The following CNTNAP2 variants were observed in gnomAD, a reference collection of about 807,000 sequenced individuals.
CNTNAP2 encodes contactin associated protein 2.
A neutral mutation model predicts 155.2 loss-of-function variants in CNTNAP2; 98 were observed. That is an observed-to-expected ratio of 0.63 (90% CI 0.54 to 0.75). The LOEUF (loss-of-function observed/expected upper bound fraction) is 0.75. Ranked by LOEUF, CNTNAP2 falls within the 30% of genes least tolerant of loss-of-function variation. The pLI, the probability that CNTNAP2 is intolerant of heterozygous loss-of-function variation, is 0.00. For synonymous variants in CNTNAP2, 651 were observed against 631.2 expected (o/e 1.03, Z -0.47); for missense variants, 1,727 against 1,688.1 (o/e 1.02, Z -0.40).
intron 8 of CNTNAP2, among the ~76,000 whole-genome samples, chr7:147,267,089 C>G (rs963918548): frequency 3.3e-5 from 5 of 151,986 alleles, no homozygotes; most frequent in African/African-American, 1.2e-4. Flanking sequence ...TAGCTTAATC[C>G]AAGATTTCTG....
chr7:148,371,501 T>C (rs1007219277), intron 21 of CNTNAP2, among the ~76,000 whole-genome samples: 2 of 152,194 alleles, frequency 1.3e-5, no homozygotes, highest in African/African-American at 4.8e-5. Context: ...CATTCATCAA[T>C]GTGCCATTGA....
chr7:147,881,371 T>A (rs1799517961), intron 13 of CNTNAP2, among the ~76,000 whole-genome samples: 1 of 152,144 alleles, frequency 6.6e-6, no homozygotes, highest in African/African-American at 2.4e-5. Context: ...TGTATTGTAG[T>A]CATGGGACTG....
chr7:146,192,814 A>G (rs1365761118), intron 1 of CNTNAP2, among the ~76,000 whole-genome samples: 2 of 152,184 alleles, frequency 1.3e-5, no homozygotes, highest in Admixed American at 6.5e-5. Context: ...TCCATAGTCC[A>G]AAGTCTCAAC....
rs115645018 is a variant in CNTNAP2, at chr7:146,452,377, T to C, written c.98-321894T>C. On this transcript the variant is annotated intron_variant, in intron 1 of 23. Coordinates refer to ENST00000361727, the MANE Select transcript of CNTNAP2 (RefSeq NM_014141.6). ...AGTACATAATCTATGACATGTATAG[T>C]AAATATTCAATAAATATTTGATTGA... is the stretch of plus-strand genomic sequence containing the variant. Among the ~76,000 whole-genome samples, 192 of 152,324 alleles carry C rather than the reference T, an allele frequency of 1.3e-3. 2 individuals are homozygous for C. Among genetic ancestry groups the C allele is most frequent in the African/African-American group, 4.4e-3 (184 of 41,586 alleles).
At chr7:146,305,243 T>C (rs1181942245) in intron 1 of CNTNAP2, among the ~76,000 whole-genome samples, 1 of 152,092 alleles carries the variant, frequency 6.6e-6, no homozygotes, top group Non-Finnish European at 1.5e-5. Flanking sequence ...GAGAAGTTTG[T>C]TGTTGCCAGT....
At chr7:146,765,709 A>G (rs1802182545) in intron 1 of CNTNAP2, among the ~76,000 whole-genome samples, 1 of 152,256 alleles carries the variant, frequency 6.6e-6, no homozygotes, top group Non-Finnish European at 1.5e-5. Flanking sequence ...GTGAAACAAA[A>G]CAAGACAGTG....
At chr7:146,656,829 C>T (rs965653110) in intron 1 of CNTNAP2, among the ~76,000 whole-genome samples, 1 of 152,164 alleles carries the variant, frequency 6.6e-6, no homozygotes, top group Non-Finnish European at 1.5e-5. Flanking sequence ...GCCCAAAAGA[C>T]TGAACTAATC....
At chr7:146,542,425 C>A (rs1274696655) in intron 1 of CNTNAP2, among the ~76,000 whole-genome samples, 1 of 151,904 alleles carries the variant, frequency 6.6e-6, no homozygotes, top group Non-Finnish European at 1.5e-5. Context: ...AAGGTAAGAA[C>A]ACAAATAAAC....
chr7:147,995,104 A>G (rs537461095), intron 15 of CNTNAP2, among the ~76,000 whole-genome samples: 6 of 152,316 alleles, frequency 3.9e-5, no homozygotes, highest in African/African-American at 1.4e-4. Context: ...AATGCTGTCT[A>G]CAACAGAGGC....
chr7:146,165,029 A>C (rs1206352250), intron 1 of CNTNAP2, among the ~76,000 whole-genome samples: 1 of 152,204 alleles, frequency 6.6e-6, no homozygotes, highest in Non-Finnish European at 1.5e-5. Flanking sequence ...GAACATTCAC[A>C]GTTTGGAATT....
chr7:146,911,061 A>T (rs984705419), intron 3 of CNTNAP2, among the ~76,000 whole-genome samples: 36 of 152,198 alleles, frequency 2.4e-4, no homozygotes, highest in African/African-American at 8.2e-4. Context: ...AAAAATGCTC[A>T]TCATCACTGG....
intron 7 of CNTNAP2, among the ~76,000 whole-genome samples, chr7:147,130,253 C>A (rs1194814230): frequency 6.7e-6 from 1 of 150,230 alleles, no homozygotes; most frequent in African/African-American, 2.5e-5. Flanking sequence ...GTCTCTACAA[C>A]AAGTTAAGAA....
intron 21 of CNTNAP2, among the ~76,000 whole-genome samples, chr7:148,367,472 A>AT (rs889139009): frequency 2.6e-5 from 4 of 151,106 alleles, no homozygotes; most frequent in Non-Finnish European, 4.4e-5. Flanking sequence ...ATTACTTTTG[A>AT]TTTTTTTTTA....
rs58537091 is a variant in CNTNAP2, at chr7:147,919,459, C to CTTTCTTTCTTTTTTTTTTTT, written c.2255+15741_2255+15742insCTTTCTTTTTTTTTTTTTTT. Among the ~76,000 whole-genome samples the CTTTCTTTCTTTTTTTTTTTT allele has an allele frequency of 4.9e-4, 25 of 51,228 alleles. 2 individuals are homozygous for CTTTCTTTCTTTTTTTTTTTT. The highest frequency in any genetic ancestry group is 2.0e-3 in the African/African-American group (19 of 9,298). 33.6% of individuals were successfully genotyped at this position (51,228 alleles called of 152,430 possible). A position where few individuals can be genotyped will look rare whatever the true frequency, so the allele number is the denominator to read the frequency against. ...CACCATGTCTGGCTACTTTTTCTTT[C>CTTTCTTTCTTTTTTTTTTTT]TTTTTTTTTTTTTTTTTGAGACAGA... On this transcript the variant is annotated intron_variant, in intron 14 of 23. Coordinates refer to ENST00000361727, the MANE Select transcript of CNTNAP2 (RefSeq NM_014141.6).
chr7:147,826,928 ATTTTTT>A (rs34322489), intron 13 of CNTNAP2, among the ~76,000 whole-genome samples: 1 of 123,868 alleles, frequency 8.1e-6, no homozygotes. Context: ...AGCTGAATAC[ATTTTTT>A]TTTTTTTTTT....
chr7:146,475,412 G>A (rs1001756194), intron 1 of CNTNAP2, among the ~76,000 whole-genome samples: 1 of 152,176 alleles, frequency 6.6e-6, no homozygotes, highest in Admixed American at 6.5e-5. Flanking sequence ...AGGATGAGAA[G>A]AGACCTATTT....
chr7:148,354,269 A>G (rs1386846843), intron 21 of CNTNAP2, among the ~76,000 whole-genome samples: 1 of 135,012 alleles, frequency 7.4e-6, no homozygotes, highest in East Asian at 2.2e-4. Context: ...AATATTTTGT[A>G]GCATATCTTA....
chr7:147,021,993 C>A (rs6971919), intron 3 of CNTNAP2, among the ~76,000 whole-genome samples: 55,337 of 151,692 alleles, frequency 0.36, 10,293 homozygotes, highest in South Asian at 0.42. Context: ...TATTTTTTGT[C>A]ATGAAAATAT....
intron 1 of CNTNAP2, among the ~76,000 whole-genome samples, chr7:146,664,200 C>T (rs569692846): frequency 7.2e-6 from 1 of 137,994 alleles, no homozygotes; most frequent in Non-Finnish European, 1.5e-5. Flanking sequence ...CTCACTCTGT[C>T]GCCCAGGTTG....
Sources: allele counts gnomAD v4.1 joint callset (sites outside exome capture counted in the v4.1 genomes callset), GRCh38; gene constraint gnomAD v4.1.1; transcripts MANE v1.5; gene names NCBI Gene and HGNC (gene_info 2026-07-23, HGNC 2026-07-21).